LRRC20: variants seen among roughly 807,000 people sequenced by gnomAD.
The protein encoded by LRRC20 is leucine rich repeat containing 20, also known as leucine-rich repeat-containing protein 20.
LRRC20 carries 11 observed loss-of-function variants against 14.4 expected under a neutral mutation model. The ratio of observed to expected loss-of-function variants is 0.77; its 90% CI spans 0.48 to 1.27. LRRC20 has a LOEUF of 1.27. LRRC20 is among the 50% of genes most tolerant of loss of function. LRRC20 has a pLI of 0.00. For missense variants in LRRC20, 219 were observed against 251.2 expected (o/e 0.87, Z 0.87); for synonymous variants, 121 against 107.3 (o/e 1.13, Z -0.79).
chr10:70,361,048 T>TG (rs1843699681), intron 2 of LRRC20, among the ~76,000 whole-genome samples: 2 of 122,838 alleles, frequency 1.6e-5, no homozygotes, highest in South Asian at 5.1e-4. Context: ...ACCCCATCTC[T>TG]AAAAAAAAAA....
intron 2 of LRRC20, among the ~76,000 whole-genome samples, chr10:70,372,577 G>C (rs942843585): frequency 2.0e-5 from 3 of 151,798 alleles, no homozygotes; most frequent in African/African-American, 7.3e-5. Context: ...GAGTAGCTGG[G>C]ACTACAGGTG....
rs778469172 is a variant in LRRC20 at position 70,365,779 on chromosome 10, C to T, written c.82+10673G>A. ...ATTCGAATAGAGATTTAATCAAAAACGAATGGATAGGCCGGGTGTGGTGGC... is the reference window on the plus strand; with the variant it reads ...ATTCGAATAGAGATTTAATCAAAAATGAATGGATAGGCCGGGTGTGGTGGC... On this transcript the variant is annotated intron_variant, in intron 2 of 4. Coordinates refer to ENST00000446961, the MANE Select transcript of LRRC20 (RefSeq NM_001278212.2). Among the ~76,000 whole-genome samples the T allele has an allele frequency of 5.3e-5, 8 of 152,206 alleles. No homozygotes were observed. The East Asian group carries it at 7.7e-4, about 15-fold the overall frequency.
chr10:70,303,970 T>C (rs1429727188), intron 4 of LRRC20, among the ~76,000 whole-genome samples: 2 of 152,222 alleles, frequency 1.3e-5, no homozygotes, highest in African/African-American at 2.4e-5. Context: ...CAATGAATTA[T>C]ACACTTTATG....
intron 2 of LRRC20, among the ~76,000 whole-genome samples, chr10:70,375,638 T>C (rs1844479568): frequency 6.6e-6 from 1 of 152,188 alleles, no homozygotes. Context: ...ACTCCAATTC[T>C]GCCTGCCTAT....
chr10:70,318,381 G>A lies in LRRC20; in HGVS notation c.400+5482C>T, dbSNP rs1027110431. The stretch of plus-strand genomic sequence containing the variant: ...ACTTTGAGAAATATCGGCTGGGATA[G>A]TAAGGTGAAACAGGACAAGGGCAGA... On this transcript the variant is annotated intron_variant, in intron 4 of 4. Transcript: ENST00000446961. 5.3e-4 allele frequency among the ~76,000 whole-genome samples: 81 copies of A among 152,218 alleles called. 1 individual carries two copies. The highest frequency in any genetic ancestry group is 1.0e-4 in the Non-Finnish European group (7 of 68,044).
At chr10:70,308,430 C>T (rs375905960) in intron 4 of LRRC20, among the ~76,000 whole-genome samples, 12 of 151,998 alleles carry the variant, frequency 7.9e-5, no homozygotes, top group Non-Finnish European at 1.3e-4. Flanking sequence ...GGTTCCCTAA[C>T]GGGAGGAGCT....
At chr10:70,343,345 G>T (rs138097271) in intron 2 of LRRC20, among the ~76,000 whole-genome samples, 2 of 152,298 alleles carry the variant, frequency 1.3e-5, no homozygotes, top group Non-Finnish European at 2.9e-5. Flanking sequence ...TGTGGTTTTG[G>T]GGGGGAAAAG....
intron 2 of LRRC20, among the ~76,000 whole-genome samples, chr10:70,349,343 T>C (rs1167022195): frequency 6.6e-6 from 1 of 152,182 alleles, no homozygotes. Context: ...TTTGGGAGGC[T>C]GAGGCAGGTG....
intron 3 of LRRC20, 98 bp downstream of exon 3, chr10:70,340,455 G>A (rs910061748): frequency 7.0e-7 from 1 of 1,421,300 alleles, no homozygotes; most frequent in Non-Finnish European, 9.8e-7. Flanking sequence ...GGGTGTCGCT[G>A]ACCAGGGACC....
At chr10:70,333,173 G>A (rs905130136) in intron 3 of LRRC20, among the ~76,000 whole-genome samples, 2 of 152,088 alleles carry the variant, frequency 1.3e-5, no homozygotes, top group African/African-American at 2.4e-5. Context: ...GTTGCAAGAA[G>A]TGTTAGCTTG....
intron 2 of LRRC20, among the ~76,000 whole-genome samples, chr10:70,368,634 C>CG (rs1844130899): frequency 2.0e-5 from 3 of 151,106 alleles, no homozygotes; most frequent in Admixed American, 1.3e-4. Context: ...TTTTTGGCGG[C>CG]AGGGGGGACT....
At chr10:70,315,326 A>G (rs1479955482) in intron 4 of LRRC20, among the ~76,000 whole-genome samples, 7 of 152,204 alleles carry the variant, frequency 4.6e-5, no homozygotes, top group African/African-American at 1.7e-4. Flanking sequence ...CATTTCCCAA[A>G]TGCCCAAATT....
At chr10:70,349,639 A>T (rs1424466039) in intron 2 of LRRC20, among the ~76,000 whole-genome samples, 1 of 152,200 alleles carries the variant, frequency 6.6e-6, no homozygotes, top group Non-Finnish European at 1.5e-5. Context: ...GCTATGTGCC[A>T]GACACAGTTC....
At chr10:70,372,735 C>T (rs1367635344) in intron 2 of LRRC20, among the ~76,000 whole-genome samples, 3 of 151,934 alleles carry the variant, frequency 2.0e-5, no homozygotes, top group African/African-American at 4.8e-5. Flanking sequence ...AGCCACTGCG[C>T]CCGGCCGAGA....
chr10:70,364,493 A>G (rs1843889857), intron 2 of LRRC20, among the ~76,000 whole-genome samples: 1 of 152,242 alleles, frequency 6.6e-6, no homozygotes, highest in South Asian at 2.1e-4. Context: ...GTATCTATTA[A>G]GTGTTTCCTG....
chr10:70,306,106 C>G (rs1589934842), intron 4 of LRRC20, among the ~76,000 whole-genome samples: 1 of 52,920 alleles, frequency 1.9e-5, no homozygotes, highest in African/African-American at 7.6e-5. Context: ...TTTTCTGTCT[C>G]TCTCTCTCTC....
chr10:70,327,923 C>T (rs1417066924), intron 3 of LRRC20, among the ~76,000 whole-genome samples: 1 of 152,288 alleles, frequency 6.6e-6, no homozygotes, highest in South Asian at 2.1e-4. Flanking sequence ...ACGCTGGCAC[C>T]TCACTTCATC....
chr10:70,365,872 C>T (rs182724488), intron 2 of LRRC20, among the ~76,000 whole-genome samples: 5,726 of 151,706 alleles, frequency 0.038, 160 homozygotes, highest in East Asian at 0.055. Flanking sequence ...AGATCGAGAC[C>T]ATCCTGGCTA....
chr10:70,301,834 A>C (rs1054509524), intron 4 of LRRC20, among the ~76,000 whole-genome samples: 5 of 152,260 alleles, frequency 3.3e-5, no homozygotes, highest in African/African-American at 1.2e-4. Context: ...AAATAATTTT[A>C]CACAAATGTT....
Sources: gnomAD v4.1 joint callset for allele counts (sites outside exome capture counted in the v4.1 genomes callset) on GRCh38, gnomAD v4.1.1 for gene constraint, MANE v1.5 for transcripts, NCBI Gene and HGNC (gene_info 2026-07-23, HGNC 2026-07-21) for gene names.